The following CRISP2 variants were observed in gnomAD, a reference collection of about 807,000 sequenced individuals.
CRISP2 encodes cysteine rich secretory protein 2, also known as cysteine-rich secretory protein 2.
Under a neutral mutation model 31.7 loss-of-function variants are expected in CRISP2, and 29 were observed. The ratio of observed to expected loss-of-function variants is 0.92; its 90% CI spans 0.68 to 1.25. CRISP2 has a LOEUF of 1.25. Among genes scored for constraint, CRISP2 ranks in the 50% most tolerant of loss-of-function variants. CRISP2 has a pLI of 0.00. For synonymous variants in CRISP2, 111 were observed against 101.4 expected (o/e 1.09, Z -0.57); for missense variants, 318 against 286.5 (o/e 1.11, Z -0.79).
the CRISP2 span, among the ~76,000 whole-genome samples, chr6:49,684,488 C>T: frequency 5.9e-5 from 9 of 151,974 alleles, no homozygotes. Flanking sequence ...TATGGAGGAC[C>T]GACTATATAA....
the CRISP2 span, among the ~76,000 whole-genome samples, chr6:49,681,477 C>T: frequency 6.6e-6 from 1 of 151,916 alleles, no homozygotes; most frequent in Non-Finnish European, 1.5e-5. Flanking sequence ...AGTATATAGA[C>T]CCACATTTGA....
the CRISP2 span, among the ~76,000 whole-genome samples, chr6:49,677,897 A>G: frequency 6.6e-6 from 1 of 152,144 alleles, no homozygotes; most frequent in African/African-American, 2.4e-5. Flanking sequence ...ATGGTATTCA[A>G]TTGTAAATTC....
chr6:49,690,888 G>A (rs541073375), downstream of CRISP2, among the ~76,000 whole-genome samples: 67 of 151,400 alleles, frequency 4.4e-4, no homozygotes, highest in Middle Eastern at 3.4e-3. Flanking sequence ...TCAGTTTAGT[G>A]GGAGAAAAAG....
At chr6:49,697,353 A>G (rs961479431) in intron 8 of CRISP2, among the ~76,000 whole-genome samples, 4 of 152,158 alleles carry the variant, frequency 2.6e-5, no homozygotes, top group African/African-American at 7.2e-5. Context: ...GATGTCCTGA[A>G]AAGCCATTGA....
At chr6:49,698,697 A>G (rs1189338614) in intron 6 of CRISP2, among the ~76,000 whole-genome samples, 190 bp from the exon 7 acceptor site, 2 of 152,130 alleles carry the variant, frequency 1.3e-5, no homozygotes, top group African/African-American at 4.8e-5. Flanking sequence ...TGCCTGACAC[A>G]CTGAGGTTGG....
At chr6:49,711,857 G>C (rs969887767) in intron 2 of CRISP2, among the ~76,000 whole-genome samples, 2 of 152,142 alleles carry the variant, frequency 1.3e-5, no homozygotes, top group African/African-American at 2.4e-5. Flanking sequence ...TTTGAAGACT[G>C]GAAGGGACAA....
intron 4 of CRISP2, 69 bp downstream of exon 4, chr6:49,709,061 CT>C: frequency 7.3e-7 from 1 of 1,365,912 alleles, no homozygotes; most frequent in Non-Finnish European, 1.0e-6. Context: ...CCCCCCTTTA[CT>C]TTCAGAATAG....
chr6:49,709,324 T>G, intron 3 of CRISP2, 119 bp from the exon 4 acceptor site: 1 of 848,684 alleles, frequency 1.2e-6, no homozygotes, highest in Non-Finnish European at 1.8e-6. Context: ...CCAGATTCAT[T>G]AACAATGGAA....
the CRISP2 span, among the ~76,000 whole-genome samples, chr6:49,683,489 C>A: frequency 1.3e-5 from 2 of 148,666 alleles, no homozygotes; most frequent in Non-Finnish European, 3.0e-5. Flanking sequence ...GATGGTGAAA[C>A]CTCGCCTCTA....
At position 49,712,502 on chromosome 6, in the gene CRISP2, A is replaced by G. The variant is rs1014062771; in HGVS notation, c.-48T>C. On this transcript the variant is annotated splice_region_variant and 5_prime_UTR_variant, in exon 2 of 10. Transcript: ENST00000339139. The stretch of plus-strand genomic sequence containing the variant: ...CCATTTTTTTTCTTTGCTACTTACT[A>G]ATGGTGAAGTACTGTGCTCTTTCTT... 3.3e-5 allele frequency: 5 copies of G among 152,006 alleles called. No individual in the cohort carries two copies. Among genetic ancestry groups the G allele is most frequent in the African/African-American group, 1.2e-4 (5 of 41,332 alleles). 9.4% of individuals were successfully genotyped at this position (152,006 alleles called of 1,614,324 possible).
At chr6:49,710,530 A>G (rs1481506688) in intron 3 of CRISP2, among the ~76,000 whole-genome samples, 1 of 152,150 alleles carries the variant, frequency 6.6e-6, no homozygotes, top group Non-Finnish European at 1.5e-5. Flanking sequence ...TACTTTAATA[A>G]TTCCCTTATT....
At chr6:49,700,895 TATC>T (rs1765553761) in intron 4 of CRISP2, 111 bp from the exon 5 acceptor site, 3 of 641,026 alleles carry the variant, frequency 4.7e-6, no homozygotes, top group South Asian at 1.9e-5. Context: ...GCAAAATAGT[TATC>T]ATGTACATAT....
intron 3 of CRISP2, among the ~76,000 whole-genome samples, chr6:49,709,532 G>T (rs920483830): frequency 2.0e-5 from 3 of 152,186 alleles, no homozygotes; most frequent in African/African-American, 2.4e-5. Context: ...TTCCTTAATA[G>T]TTAATTATAG....
rs1033310316 is a variant in CRISP2 at position 49,707,387 on chromosome 6, G to C, written c.66+1744C>G. Among the ~76,000 whole-genome samples, 4 of 152,178 alleles carry C rather than the reference G, an allele frequency of 2.6e-5. No individual in the cohort carries two copies. In the East Asian group the frequency reaches 5.8e-4, roughly 22 times the overall value. ...TCTGAAAGATGAACAGAGTTTTCTA[G>C]GCATCTTGAAAACATCAGAAAATCA... On this transcript the variant is annotated intron_variant, in intron 4 of 9. Coordinates refer to ENST00000339139, the MANE Select transcript of CRISP2 (RefSeq NM_003296.4).
At chr6:49,712,447 C>A (rs1768196414) in intron 2 of CRISP2, 54 bp downstream of exon 2, 2 of 151,644 alleles carry the variant, frequency 1.3e-5, no homozygotes, top group Non-Finnish European at 2.9e-5. Flanking sequence ...CCTTTAAACC[C>A]ATATTGATAT....
Position 49,698,437 on chromosome 6 carries a change from C to G in CRISP2, c.342G>C (p.Trp114Cys). Residue 114 changes from tryptophan to cysteine, a missense_variant, in exon 7 of 10, where the codon TGG (tryptophan) becomes TGC (cysteine). Coordinates refer to ENST00000339139, the MANE Select transcript of CRISP2 (RefSeq NM_003296.4). Reference sequence around the variant, plus strand: ...AGACAAAATCTAGGATCTCGTCATACCAGCTTTGGATTGCAGAAGACCAGG... The same window carrying G: ...AGACAAAATCTAGGATCTCGTCATAGCAGCTTTGGATTGCAGAAGACCAGG... ...PTSWSSAIQS[W>C]YDEILDFVYG... The G allele has an allele frequency of 6.2e-7, 1 of 1,613,404 alleles. No individual in the cohort carries two copies. The highest frequency in any genetic ancestry group is 8.5e-7 in the Non-Finnish European group (1 of 1,179,638).
chr6:49,698,483 T>C lies in CRISP2; in HGVS notation c.296A>G (p.Tyr99Cys), dbSNP rs538846998. Reference protein sequence around the residue: ...KTSTRCGENLYMSSDPTSWSS... With the variant: ...KTSTRCGENLCMSSDPTSWSS... ...CCAGGAAGTAGGGTCACTTGACATA[T>C]AGAGATTCTCACCACATCTTGTACC... The change falls in exon 7 of 10, where the codon TAT becomes TGT. Residue 99 changes from tyrosine to cysteine, a missense_variant. By Grantham distance (194) the Tyr-to-Cys change is radical (BLOSUM62 -2). Coordinates refer to ENST00000339139, the MANE Select transcript of CRISP2 (RefSeq NM_003296.4). 14 of 1,611,562 alleles carry C rather than the reference T, an allele frequency of 8.7e-6. No homozygotes were observed. In the East Asian group the frequency reaches 2.0e-4, roughly 23 times the overall value.
chr6:49,707,997 G>A (rs538511625), intron 4 of CRISP2, among the ~76,000 whole-genome samples: 3 of 152,212 alleles, frequency 2.0e-5, no homozygotes, highest in African/African-American at 7.2e-5. Flanking sequence ...GGCTTTTAGA[G>A]TTAGGGTTTT....
chr6:49,680,549 A>G, the CRISP2 span, among the ~76,000 whole-genome samples: 1 of 152,114 alleles, frequency 6.6e-6, no homozygotes, highest in Non-Finnish European at 1.5e-5. Flanking sequence ...AATGGTATTT[A>G]TGACTTTAGG....
Sources: gnomAD v4.1 joint callset for allele counts (sites outside exome capture counted in the v4.1 genomes callset) on GRCh38, gnomAD v4.1.1 for gene constraint, MANE v1.5 for transcripts, NCBI Gene and HGNC (gene_info 2026-07-23, HGNC 2026-07-21) for gene names.